The following PTPRG variants were observed in gnomAD, a reference collection of about 807,000 sequenced individuals.
The protein encoded by PTPRG is receptor-type tyrosine-protein phosphatase gamma.
A neutral mutation model predicts 165.3 loss-of-function variants in PTPRG; 102 were observed. That is an observed-to-expected ratio of 0.62 (90% CI 0.53 to 0.73). The LOEUF is 0.73. Ranked by LOEUF, PTPRG falls within the 30% of genes least tolerant of loss-of-function variation. The pLI, the probability that PTPRG is intolerant of heterozygous loss-of-function variation, is 0.00. For missense variants in PTPRG, 1,866 were observed against 1,861.4 expected (o/e 1.00, Z -0.05); for synonymous variants, 675 against 669.5 (o/e 1.01, Z -0.13).
intron 15 of PTPRG, among the ~76,000 whole-genome samples, chr3:62,250,432 G>T (rs951917905): frequency 4.5e-4 from 69 of 152,288 alleles, no homozygotes; most frequent in African/African-American, 1.6e-3. Context: ...CCTCTGTGCA[G>T]CTCCTCCCTG....
At chr3:61,917,919 C>T (rs565995702) in intron 2 of PTPRG, among the ~76,000 whole-genome samples, 252 of 151,884 alleles carry the variant, frequency 1.7e-3, no homozygotes, top group African/African-American at 5.0e-3. Context: ...GCAACAAGAG[C>T]GAAACTCTGT....
intron 2 of PTPRG, among the ~76,000 whole-genome samples, chr3:61,982,760 T>C (rs550211990): frequency 1.3e-5 from 2 of 152,302 alleles, no homozygotes; most frequent in East Asian, 3.9e-4. Context: ...ACCTCCAGTT[T>C]AGGCATTGGT....
Position 62,267,410 on chromosome 3 carries a change from A to G in PTPRG, c.2657A>G (p.Tyr886Cys). ...HKNRYINILA[Y>C]DHSRVKLRPL... ...TGTTTTTTTTTCTTATCTTCTATAG[A>G]TGATCACAGTAGGGTGAAGTTAAGA... Residue 886 changes from tyrosine (Y) to cysteine (C), a missense_variant and splice_region_variant, in exon 18 of 30, where the codon TAT becomes TGT. Coordinates refer to ENST00000474889, the MANE Select transcript of PTPRG (RefSeq NM_002841.4). The G allele has an allele frequency of 1.9e-6, 3 of 1,593,918 alleles. No individual in the cohort carries two copies. Among genetic ancestry groups the G allele is most frequent in the Admixed American group, 1.7e-5 (1 of 57,826 alleles).
intron 4 of PTPRG, among the ~76,000 whole-genome samples, chr3:62,012,773 A>G (rs960439364): frequency 2.0e-5 from 3 of 152,180 alleles, no homozygotes; most frequent in East Asian, 1.9e-4. Flanking sequence ...GGGATGCTCA[A>G]TCTGTATCGT....
chr3:62,215,666 T>C (rs1472682715), intron 12 of PTPRG, among the ~76,000 whole-genome samples: 2 of 151,768 alleles, frequency 1.3e-5, no homozygotes, highest in African/African-American at 4.8e-5. Flanking sequence ...GAGCCTTGTC[T>C]TCAGGACCTT....
chr3:61,764,147 C>A (rs2033941579), intron 2 of PTPRG, among the ~76,000 whole-genome samples: 1 of 152,072 alleles, frequency 6.6e-6, no homozygotes, highest in Non-Finnish European at 1.5e-5. Flanking sequence ...TGTATAGTGC[C>A]CCAGTTGTAC....
intron 2 of PTPRG, among the ~76,000 whole-genome samples, chr3:61,839,872 G>T (rs2107324395): frequency 6.6e-6 from 1 of 152,114 alleles, no homozygotes; most frequent in Non-Finnish European, 1.5e-5. Context: ...TCGTTATAAA[G>T]CTCACACCCT....
chr3:62,021,694 C>G (rs1195337071), intron 4 of PTPRG, among the ~76,000 whole-genome samples: 1 of 152,000 alleles, frequency 6.6e-6, no homozygotes, highest in East Asian at 1.9e-4. Flanking sequence ...AAAGTTAATT[C>G]ATTTGATATT....
chr3:61,574,566 C>T (rs1294786662), intron 1 of PTPRG, among the ~76,000 whole-genome samples: 2 of 152,156 alleles, frequency 1.3e-5, no homozygotes, highest in African/African-American at 4.8e-5. Flanking sequence ...ACTAGCTTCT[C>T]ATTTTCCCAG....
intron 7 of PTPRG, among the ~76,000 whole-genome samples, chr3:62,165,989 T>G (rs1704958738): frequency 1.3e-5 from 2 of 152,048 alleles, no homozygotes; most frequent in Admixed American, 1.3e-4. Context: ...TAGTATTAAC[T>G]GCCTTCTGGT....
chr3:61,646,841 T>G (rs1161610857), intron 1 of PTPRG, among the ~76,000 whole-genome samples: 1 of 152,200 alleles, frequency 6.6e-6, no homozygotes, highest in Non-Finnish European at 1.5e-5. Flanking sequence ...CCCATTGTTA[T>G]TTCGAGAATG....
intron 1 of PTPRG, among the ~76,000 whole-genome samples, chr3:61,681,011 T>G (rs13068622): frequency 4.4e-5 from 3 of 68,092 alleles, no homozygotes; most frequent in Non-Finnish European, 8.2e-5. Context: ...ATGAGCAGCT[T>G]TGCTTTTTAG....
rs971221685 is a variant in PTPRG, at chr3:61,612,505, CTG to C, written c.85+50136_85+50137del. ...CTGTTTCCAGTTAGAAATGTCAACA[CTG>C]TGAGCCCAGGTAGGTGCTGGGCACG... is the stretch of plus-strand genomic sequence containing the variant. On this transcript the variant is annotated intron_variant, in intron 1 of 29. Transcript: ENST00000474889. Among the ~76,000 whole-genome samples, 5 of 152,228 alleles carry C rather than the reference CTG, an allele frequency of 3.3e-5. No individual in the cohort carries two copies. In the East Asian group the frequency reaches 5.8e-4, roughly 18 times the overall value.
In PTPRG at chr3:62,240,595, G is replaced by A. The variant is rs148711426; in HGVS notation, c.2376-3212G>A. Among the ~76,000 whole-genome samples the A allele has an allele frequency of 2.0e-3, 302 of 152,236 alleles. 1 individual carries two copies. Among genetic ancestry groups the A allele is most frequent in the African/African-American group, 6.3e-3 (262 of 41,538 alleles). On this transcript the variant is annotated intron_variant, in intron 14 of 29. Transcript: ENST00000474889. The surrounding 1 kb of genome is among the most constrained non-coding windows in gnomAD (Gnocchi z 5.1). ...AGACACCAGTGAAGGTTCTTTGGTC[G>A]CTAGATCCTGCATGATCTGGCTCTG...
chr3:61,940,655 TTATTTATTTATTTATTTTTTA>T, intron 2 of PTPRG, among the ~76,000 whole-genome samples: 2 of 90,776 alleles, frequency 2.2e-5, no homozygotes, highest in Non-Finnish European at 2.4e-5. Context: ...ATGCTTTTAT[TTATTTATTTATTTATTTTTTA>T]TTTTTTTGAC....
intron 5 of PTPRG, among the ~76,000 whole-genome samples, chr3:62,131,643 C>T (rs1021551801): frequency 5.3e-5 from 8 of 151,836 alleles, no homozygotes; most frequent in Non-Finnish European, 7.4e-5. Context: ...CTATGCTGGC[C>T]GTAGATAATA....
In PTPRG at chr3:62,222,932, T is replaced by C. The variant is rs532400511; in HGVS notation, c.2288+3949T>C. 2.6e-5 allele frequency among the ~76,000 whole-genome samples: 4 copies of C among 152,172 alleles called. No individual in the cohort carries two copies. The highest frequency in any genetic ancestry group is 4.8e-5 in the African/African-American group (2 of 41,532). On this transcript the variant is annotated intron_variant, in intron 13 of 29. Coordinates refer to ENST00000474889, the MANE Select transcript of PTPRG (RefSeq NM_002841.4). This position sits in a 1 kb window ranked among gnomAD's most constrained non-coding sequence, Gnocchi z 4.5. Reference sequence around the variant, plus strand: ...GGAGAAGGATAAATCCAAGTTGCTATAACAGCATATAGGAAGGGCTTCAGC... The same window carrying C: ...GGAGAAGGATAAATCCAAGTTGCTACAACAGCATATAGGAAGGGCTTCAGC...
At chr3:61,638,023 G>A (rs1053603727) in intron 1 of PTPRG, among the ~76,000 whole-genome samples, 26 of 152,176 alleles carry the variant, frequency 1.7e-4, no homozygotes, top group South Asian at 2.1e-4. Context: ...TTTTAAGGAC[G>A]TAATTACAAA....
At chr3:61,934,927 G>A (rs925479622) in intron 2 of PTPRG, among the ~76,000 whole-genome samples, 33 of 152,296 alleles carry the variant, frequency 2.2e-4, no homozygotes, top group African/African-American at 6.7e-4. Context: ...CATGGGATGC[G>A]TTGCTTAAAT....
Sources: allele counts gnomAD v4.1 joint callset (sites outside exome capture counted in the v4.1 genomes callset), GRCh38; gene constraint gnomAD v4.1.1; non-coding constraint Gnocchi (gnomAD v3.1); transcripts MANE v1.5; gene names NCBI Gene and HGNC (gene_info 2026-07-23, HGNC 2026-07-21).